FER1L6: variants seen among roughly 807,000 people sequenced by gnomAD.
FER1L6 encodes fer-1 like family member 6.
Under a neutral mutation model 219.2 loss-of-function variants are expected in FER1L6, and 177 were observed. The ratio of observed to expected loss-of-function variants is 0.81; its 90% confidence interval spans 0.71 to 0.91. The LOEUF (loss-of-function observed/expected upper bound fraction) is 0.91, where lower values mean the gene tolerates loss of function less well. FER1L6 is among the 40% of genes least tolerant of loss of function. The probability of loss-of-function intolerance (pLI) is 0.00; values close to 1 mark genes in which losing one functional copy is unlikely to be tolerated. For synonymous variants in FER1L6, 768 were observed against 824.3 expected, an observed-to-expected ratio of 0.93 and a Z score of 1.17; for missense variants, 2,153 against 2,259.9, an observed-to-expected ratio of 0.95 and a Z score of 0.96.
At chr8:123,917,727 C>T (rs1425426458) in intron 1 of FER1L6, among the ~76,000 whole-genome samples, 2 of 152,228 alleles carry the variant, frequency 1.3e-5, no homozygotes, top group Non-Finnish European at 2.9e-5. Flanking sequence ...GTAAAATTCT[C>T]TTCAGGCATC....
At chr8:124,109,207 T>C (rs1822911057) in intron 39 of FER1L6, among the ~76,000 whole-genome samples, 1 of 152,162 alleles carries the variant, frequency 6.6e-6, no homozygotes, top group South Asian at 2.1e-4. Flanking sequence ...ACAGGCAGGC[T>C]GGAGAAGGCG....
At chr8:123,911,945 A>C (rs1224312589) in intron 1 of FER1L6, among the ~76,000 whole-genome samples, 2 of 152,176 alleles carry the variant, frequency 1.3e-5, no homozygotes, top group African/African-American at 4.8e-5. Context: ...GTCTGCTATC[A>C]TAGCACACCC....
chr8:123,871,162 C>T (rs1374840629), intron 1 of FER1L6, among the ~76,000 whole-genome samples: 1 of 152,154 alleles, frequency 6.6e-6, no homozygotes, highest in Non-Finnish European at 1.5e-5. Flanking sequence ...TCAGTATGAA[C>T]TCGTGTTTAC....
chr8:124,001,085 T>C (rs1321060405), intron 12 of FER1L6, among the ~76,000 whole-genome samples: 2 of 152,196 alleles, frequency 1.3e-5, no homozygotes, highest in South Asian at 2.1e-4. Flanking sequence ...AAAAATGGGA[T>C]GATTTGGGGT....
chr8:124,112,774 T>A (rs1407336112), intron 39 of FER1L6, among the ~76,000 whole-genome samples: 2 of 152,192 alleles, frequency 1.3e-5, no homozygotes, highest in Non-Finnish European at 2.9e-5. Context: ...ATCCTGAAGT[T>A]CACAACTTAG....
At chr8:123,898,848 TACACACACAC>T (rs147446907) in intron 1 of FER1L6, among the ~76,000 whole-genome samples, 2 of 143,246 alleles carry the variant, frequency 1.4e-5, no homozygotes, top group African/African-American at 5.2e-5. Flanking sequence ...CATACATATA[TACACACACAC>T]ACACACACAC....
Position 123,854,623 on chromosome 8 carries a change from C to T in FER1L6, c.-8+2438C>T, listed in dbSNP as rs1014419914. Among the ~76,000 whole-genome samples the T allele has an allele frequency of 2.0e-5, 3 of 152,216 alleles. 1 individual carries two copies. The South Asian group carries it at 6.2e-4, about 32-fold the overall frequency. ...AGGGGACCGAAGGGTATCTTCTGTC[C>T]CTTTATTACCAAGGGTGTCTTCACA... On this transcript the variant is annotated intron_variant, in intron 1 of 40. Transcript: ENST00000522917.
chr8:123,889,193 T>G (rs1380330960), intron 1 of FER1L6, among the ~76,000 whole-genome samples: 1 of 152,198 alleles, frequency 6.6e-6, no homozygotes, highest in Non-Finnish European at 1.5e-5. Flanking sequence ...CAGCTAAATC[T>G]TCTGAATTAT....
At chr8:124,021,205 G>A (rs1448587204) in intron 16 of FER1L6, among the ~76,000 whole-genome samples, 1 of 152,114 alleles carries the variant, frequency 6.6e-6, no homozygotes, top group East Asian at 1.9e-4. Context: ...GATATGTGGG[G>A]ATCATGGGAA....
chr8:123,872,342 T>G (rs999129254), intron 1 of FER1L6, among the ~76,000 whole-genome samples: 15 of 152,116 alleles, frequency 9.9e-5, no homozygotes, highest in African/African-American at 3.4e-4. Context: ...GAGAAAAATA[T>G]CAGACAAATC....
rs570161216 is a variant in FER1L6, at chr8:123,865,591, C to T, written c.-8+13406C>T. ...GCCCCTCCCCCAGCCTCGCTGCCACCTTGCAGTTTGATCTCAGACCGCTGT... is the reference window on the plus strand; with the variant it reads ...GCCCCTCCCCCAGCCTCGCTGCCACTTTGCAGTTTGATCTCAGACCGCTGT... On this transcript the variant is annotated intron_variant, in intron 1 of 40. Transcript: ENST00000522917. Among the ~76,000 whole-genome samples, 5 of 151,460 alleles carry T rather than the reference C, an allele frequency of 3.3e-5. No homozygotes were observed. In the South Asian group the frequency reaches 1.0e-3, roughly 31 times the overall value.
intron 12 of FER1L6, among the ~76,000 whole-genome samples, chr8:123,993,987 T>C (rs756325114): frequency 1.3e-5 from 2 of 152,238 alleles, no homozygotes; most frequent in Non-Finnish European, 2.9e-5. Flanking sequence ...TAGGACCTCC[T>C]GTTTATCCAG....
rs751677638 is a variant in FER1L6 at position 123,852,388 on chromosome 8, G to A, written c.-8+203G>A. On this transcript the variant is annotated intron_variant, in intron 1 of 40. Coordinates refer to ENST00000522917, the MANE Select transcript of FER1L6 (RefSeq NM_001039112.2). The surrounding 1 kb of genome is among the most constrained non-coding windows in gnomAD (Gnocchi z 4.9). ...GCCATATATTGGGGACTCAGCATTGGTCTCTGCTGTTGGCAGATTGGGTAC... is the reference window on the plus strand; with the variant it reads ...GCCATATATTGGGGACTCAGCATTGATCTCTGCTGTTGGCAGATTGGGTAC... Among the ~76,000 whole-genome samples, 5 of 151,984 alleles carry A rather than the reference G, an allele frequency of 3.3e-5. No individual in the cohort carries two copies. The highest frequency in any genetic ancestry group is 7.4e-5 in the Non-Finnish European group (5 of 67,998).
chr8:123,856,335 T>TAG (rs1404372513), intron 1 of FER1L6, among the ~76,000 whole-genome samples: 1 of 131,136 alleles, frequency 7.6e-6, no homozygotes, highest in Non-Finnish European at 1.6e-5. Context: ...TATATATATA[T>TAG]ATATATATAT....
chr8:123,936,125 C>T (rs1352013455), intron 1 of FER1L6, among the ~76,000 whole-genome samples: 1 of 152,078 alleles, frequency 6.6e-6, no homozygotes, highest in African/African-American at 2.4e-5. Flanking sequence ...ACCTCTCGGT[C>T]AGATGCATGT....
At chr8:123,963,212 G>C (rs1245336434) in intron 2 of FER1L6, 66 bp from the exon 3 acceptor site, 12 of 1,600,986 alleles carry the variant, frequency 7.5e-6, no homozygotes, top group African/African-American at 1.3e-5. Flanking sequence ...GCTGGCATAA[G>C]GTAGAGGCTC....
chr8:123,909,858 G>T (rs966520599), intron 1 of FER1L6, among the ~76,000 whole-genome samples: 1 of 152,092 alleles, frequency 6.6e-6, no homozygotes, highest in Admixed American at 6.5e-5. Flanking sequence ...CACCATAAAG[G>T]ACTGTGTCTA....
intron 39 of FER1L6, among the ~76,000 whole-genome samples, chr8:124,117,884 A>C (rs1251979964): frequency 6.6e-6 from 1 of 152,184 alleles, no homozygotes; most frequent in Non-Finnish European, 1.5e-5. Context: ...CATACCTCCG[A>C]AGTCAAGTAA....
intron 12 of FER1L6, among the ~76,000 whole-genome samples, chr8:123,989,658 T>C (rs1322290240): frequency 2.0e-5 from 3 of 152,192 alleles, no homozygotes; most frequent in Admixed American, 6.5e-5. Flanking sequence ...TGAGAACATA[T>C]GGTATTTGGT....
Sources: gnomAD v4.1 joint callset for allele counts (sites outside exome capture counted in the v4.1 genomes callset) on GRCh38, gnomAD v4.1.1 for gene constraint, Gnocchi (gnomAD v3.1) non-coding constraint, MANE v1.5 for transcripts, NCBI Gene and HGNC (gene_info 2026-07-23, HGNC 2026-07-21) for gene names.